RALA: variants seen among roughly 807,000 people sequenced by gnomAD.
The protein encoded by RALA is ras-related protein Ral-A.
RALA carries 5 observed loss-of-function variants against 24.0 expected under a neutral mutation model. That is an observed-to-expected ratio of 0.21 (90% confidence interval 0.11 to 0.44). RALA has a LOEUF of 0.44. RALA is among the 20% of genes least tolerant of loss of function. RALA has a pLI of 0.99. For synonymous variants in RALA, 77 were observed against 83.8 expected (o/e 0.92, Z 0.44); for missense variants, 95 against 241.2 (o/e 0.39, Z 4.01).
At chr7:39,697,548 TC>T in intron 4 of RALA, 1 of 434,474 alleles carries the variant, frequency 2.3e-6, no homozygotes, top group Admixed American at 2.6e-5. Context: ...GTGGGGTCTT[TC>T]TTCAGCCTGC....
intron 4 of RALA, among the ~76,000 whole-genome samples, chr7:39,703,920 C>T (rs1173032286): frequency 6.6e-6 from 1 of 152,116 alleles, no homozygotes; most frequent in Non-Finnish European, 1.5e-5. Flanking sequence ...AATTCCAGCA[C>T]ATTTAGAGGC....
intron 1 of RALA, among the ~76,000 whole-genome samples, chr7:39,636,119 G>A (rs1791680909): frequency 6.6e-6 from 1 of 152,238 alleles, no homozygotes; most frequent in Admixed American, 6.5e-5. Context: ...TGATGGACAT[G>A]TGGGTGTTTC....
rs1192309788 is a variant in RALA at position 39,708,097 on chromosome 7, A to T, written c.*1852A>T. ...TATTTGCAATTTGAGCCATTTAAAGACCAATAAACTTCCTTTTTTAAAATG... is the reference window on the plus strand; with the variant it reads ...TATTTGCAATTTGAGCCATTTAAAGTCCAATAAACTTCCTTTTTTAAAATG... On this transcript the variant is annotated 3_prime_UTR_variant, in exon 5 of 5. Transcript: ENST00000005257. The T allele has an allele frequency of 1.3e-5, 2 of 152,684 alleles. No individual in the cohort carries two copies. Among genetic ancestry groups the T allele is most frequent in the Non-Finnish European group, 2.9e-5 (2 of 68,056 alleles). 9.5% of individuals were successfully genotyped at this position (152,684 alleles called of 1,614,324 possible).
chr7:39,682,824 TTAG>T (rs1004887363), intron 1 of RALA, among the ~76,000 whole-genome samples: 5 of 152,114 alleles, frequency 3.3e-5, no homozygotes, highest in African/African-American at 1.2e-4. Context: ...TTTTGTATTT[TTAG>T]TAGATGTGGG....
chr7:39,667,165 ATTC>A (rs1397841936), intron 1 of RALA, among the ~76,000 whole-genome samples: 1 of 152,184 alleles, frequency 6.6e-6, no homozygotes, highest in East Asian at 1.9e-4. Flanking sequence ...GAAAAATAGT[ATTC>A]TTTAAAACTC....
At chr7:39,639,910 T>G (rs1021008349) in intron 1 of RALA, among the ~76,000 whole-genome samples, 6 of 147,694 alleles carry the variant, frequency 4.1e-5, no homozygotes, top group Non-Finnish European at 6.2e-5. Flanking sequence ...GCAATATGGG[T>G]TTTTTTTCCC....
intron 1 of RALA, among the ~76,000 whole-genome samples, chr7:39,661,759 C>T (rs6953194): frequency 6.6e-6 from 1 of 152,192 alleles, no homozygotes; most frequent in Admixed American, 6.5e-5. Context: ...GTGGATTTAC[C>T]ATTCTAGGGT....
chr7:39,683,840 A>AACACACACACAC (rs71964842), intron 1 of RALA, among the ~76,000 whole-genome samples: 9 of 147,954 alleles, frequency 6.1e-5, no homozygotes, highest in African/African-American at 2.2e-4. Context: ...TTTTCTTTTG[A>AACACACACACAC]ACACACACAC....
At chr7:39,651,634 G>A (rs372890963) in intron 1 of RALA, among the ~76,000 whole-genome samples, 2 of 151,864 alleles carry the variant, frequency 1.3e-5, no homozygotes, top group African/African-American at 4.8e-5. Context: ...CTGGAATACA[G>A]TTAGGCAGAA....
chr7:39,654,608 C>T (rs1055373860), intron 1 of RALA, among the ~76,000 whole-genome samples: 4 of 152,162 alleles, frequency 2.6e-5, no homozygotes, highest in Non-Finnish European at 5.9e-5. Flanking sequence ...AGGAAATCAT[C>T]GAATGCCTAA....
intron 1 of RALA, among the ~76,000 whole-genome samples, chr7:39,677,400 C>T (rs1021869577): frequency 7.3e-6 from 1 of 137,484 alleles, no homozygotes; most frequent in African/African-American, 2.8e-5. Context: ...TTTTTTATGG[C>T]TGCATAGTAT....
chr7:39,636,352 G>T (rs929528015), intron 1 of RALA, among the ~76,000 whole-genome samples: 1 of 152,094 alleles, frequency 6.6e-6, no homozygotes. Flanking sequence ...CAGTTTTTCC[G>T]CAACTTCACT....
intron 1 of RALA, among the ~76,000 whole-genome samples, chr7:39,627,290 T>C (rs564435098): frequency 3.3e-5 from 5 of 152,310 alleles, no homozygotes; most frequent in Non-Finnish European, 1.5e-5. Context: ...ATTTGCATCT[T>C]TGATTTAATT....
intron 1 of RALA, among the ~76,000 whole-genome samples, chr7:39,667,354 G>A (rs991567115): frequency 6.6e-5 from 10 of 152,154 alleles, no homozygotes; most frequent in Admixed American, 5.9e-4. Flanking sequence ...TGAAAAGACA[G>A]GAAAAAGAAT....
At chr7:39,655,263 G>A (rs1165420608) in intron 1 of RALA, among the ~76,000 whole-genome samples, 1 of 152,212 alleles carries the variant, frequency 6.6e-6, no homozygotes, top group African/African-American at 2.4e-5. Flanking sequence ...AAGGGAATGA[G>A]CTATAGATAC....
At chr7:39,673,313 A>G (rs1583736375) in intron 1 of RALA, among the ~76,000 whole-genome samples, 1 of 152,156 alleles carries the variant, frequency 6.6e-6, no homozygotes, top group South Asian at 2.1e-4. Context: ...TCATGAAGAT[A>G]TTTTTAATTT....
At chr7:39,665,526 G>A (rs1241577434) in intron 1 of RALA, among the ~76,000 whole-genome samples, 1 of 152,010 alleles carries the variant, frequency 6.6e-6, no homozygotes, top group African/African-American at 2.4e-5. Context: ...CAATCCCTGT[G>A]TTATCCAAGA....
chr7:39,678,925 A>T (rs1262069955), intron 1 of RALA, among the ~76,000 whole-genome samples: 1 of 152,132 alleles, frequency 6.6e-6, no homozygotes, highest in Non-Finnish European at 1.5e-5. Flanking sequence ...CTCTGTAGTG[A>T]CTTAGTTTCC....
intron 1 of RALA, among the ~76,000 whole-genome samples, chr7:39,683,176 T>C (rs969196267): frequency 1.3e-5 from 2 of 152,136 alleles, no homozygotes; most frequent in Admixed American, 1.3e-4. Flanking sequence ...AAATTTCTTT[T>C]TAAAAAATAA....
Sources: allele counts gnomAD v4.1 joint callset (sites outside exome capture counted in the v4.1 genomes callset), GRCh38; gene constraint gnomAD v4.1.1; transcripts MANE v1.5; gene names NCBI Gene and HGNC (gene_info 2026-07-23, HGNC 2026-07-21).